Variants in PAH observed in about 807,000 individuals in gnomAD.
The protein encoded by PAH is phenylalanine hydroxylase.
PAH carries 64 observed loss-of-function variants against 62.0 expected under a neutral mutation model. That is an observed-to-expected ratio of 1.03 (90% confidence interval 0.84 to 1.27). The LOEUF is 1.27. Among genes scored for constraint, PAH ranks in the 50% most tolerant of loss-of-function variants. The probability of loss-of-function intolerance (pLI) is 0.00; values close to 1 mark genes in which losing one functional copy is unlikely to be tolerated. For synonymous variants in PAH, 195 were observed against 196.2 expected (o/e 0.99, Z 0.05); for missense variants, 579 against 542.8 (o/e 1.07, Z -0.66).
At chr12:102,900,049 CTTT>C (rs749407597) in intron 2 of PAH, among the ~76,000 whole-genome samples, 1 of 113,206 alleles carries the variant, frequency 8.8e-6, no homozygotes, top group Admixed American at 9.4e-5. Context: ...ACATTTATTG[CTTT>C]TTTTTTTTTT....
intron 3 of PAH, among the ~76,000 whole-genome samples, chr12:102,887,041 A>T (rs1877070355): frequency 6.6e-6 from 1 of 152,186 alleles, no homozygotes; most frequent in Non-Finnish European, 1.5e-5. Context: ...CATAATTCAT[A>T]ACATGCTAAG....
intron 12 of PAH, among the ~76,000 whole-genome samples, chr12:102,839,570 A>G (rs558616492): frequency 1.3e-3 from 204 of 152,204 alleles, no homozygotes; most frequent in Non-Finnish European, 2.5e-3. Context: ...TTCACACAAA[A>G]CTCTAGTGTC....
intron 1 of PAH, chr12:102,950,347 G>A (rs1230297081): frequency 6.6e-6 from 1 of 152,380 alleles, no homozygotes; most frequent in African/African-American, 2.4e-5. Context: ...AGTTTCCCTG[G>A]CAGATGCCGC....
In PAH at chr12:102,864,551, G is replaced by A. The variant is rs569337141; in HGVS notation, c.509+2045C>T. On this transcript the variant is annotated intron_variant, in intron 5 of 12. Coordinates refer to ENST00000553106, the MANE Select transcript of PAH (RefSeq NM_000277.3). ...ATTTTTAAAAAGCAAAATCACAAAC[G>A]AAAGCACAAAAATGTTAAAAATGTG... Among the ~76,000 whole-genome samples the A allele has an allele frequency of 9.9e-5, 15 of 152,178 alleles. No homozygotes were observed. In the South Asian group the frequency reaches 2.3e-3, roughly 23 times the overall value.
Position 102,837,386 on chromosome 12 carries a change from A to T in PAH, c.*1789T>A. The T allele has an allele frequency of 6.6e-6, 1 of 152,256 alleles. No homozygotes were observed. The highest frequency in any genetic ancestry group is 1.9e-4 in the East Asian group (1 of 5,204). 9.4% of individuals were successfully genotyped at this position (152,256 alleles called of 1,614,324 possible). ...TAATATTTAAGTTCCAGAGTCAATAATTAACTTTTCATGTGAAATGAAGAA... is the reference window on the plus strand; with the variant it reads ...TAATATTTAAGTTCCAGAGTCAATATTTAACTTTTCATGTGAAATGAAGAA... On this transcript the variant is annotated 3_prime_UTR_variant, in exon 13 of 13. Transcript: ENST00000553106.
chr12:102,912,436 C>CAGTTTA, intron 2 of PAH, among the ~76,000 whole-genome samples: 1 of 152,038 alleles, frequency 6.6e-6, no homozygotes, highest in Non-Finnish European at 1.5e-5. Flanking sequence ...TCACATGTGA[C>CAGTTTA]ACATGTGATT....
At chr12:102,854,738 C>A (rs1283358766) in intron 6 of PAH, 3 of 302,858 alleles carry the variant, frequency 9.9e-6, no homozygotes, top group African/African-American at 2.2e-5. Context: ...GCTCTTGGCA[C>A]CATCCCCGAA....
chr12:102,862,875 T>C (rs184428987), intron 5 of PAH, among the ~76,000 whole-genome samples: 8 of 151,968 alleles, frequency 5.3e-5, no homozygotes, highest in Admixed American at 5.2e-4. Flanking sequence ...GGCAAAAAGA[T>C]AGCATTTTGC....
chr12:102,872,787 A>G (rs985176416), intron 4 of PAH, among the ~76,000 whole-genome samples: 2 of 152,044 alleles, frequency 1.3e-5, no homozygotes, highest in African/African-American at 4.8e-5. Flanking sequence ...GGCCAACATG[A>G]CGAAACCCCA....
intron 3 of PAH, among the ~76,000 whole-genome samples, chr12:102,891,203 A>G (rs1290914444): frequency 2.0e-5 from 3 of 152,172 alleles, no homozygotes; most frequent in African/African-American, 7.2e-5. Flanking sequence ...CTGTCCCTCT[A>G]TTCTACTTAC....
At chr12:102,865,717 C>T (rs945269021) in intron 5 of PAH, among the ~76,000 whole-genome samples, 10 of 152,158 alleles carry the variant, frequency 6.6e-5, no homozygotes, top group African/African-American at 2.4e-4. Context: ...AATTCTTCCA[C>T]TACCAAAAGT....
chr12:102,936,306 G>T (rs941590044), intron 1 of PAH, among the ~76,000 whole-genome samples: 19 of 151,996 alleles, frequency 1.3e-4, no homozygotes, highest in African/African-American at 4.4e-4. Flanking sequence ...CTAAAATATG[G>T]TCTATTCTTG....
At chr12:102,912,690 G>C (rs1878246082) in intron 2 of PAH, 101 bp downstream of exon 2, 6 of 857,380 alleles carry the variant, frequency 7.0e-6, no homozygotes, top group Admixed American at 1.8e-5. Context: ...ATTCAAATCT[G>C]CCTGTTCCAG....
intron 2 of PAH, among the ~76,000 whole-genome samples, chr12:102,895,258 C>T (rs1188018499): frequency 6.6e-6 from 1 of 152,014 alleles, no homozygotes; most frequent in Non-Finnish European, 1.5e-5. Context: ...AGGAAACACC[C>T]CCACTTTCCA....
intron 1 of PAH, among the ~76,000 whole-genome samples, chr12:102,925,737 C>T (rs780219586): frequency 5.9e-5 from 9 of 152,118 alleles, no homozygotes; most frequent in East Asian, 1.9e-4. Context: ...AGCCAAAGCC[C>T]ACATAAACCC....
At chr12:102,892,260 G>A (rs1488660163) in intron 3 of PAH, among the ~76,000 whole-genome samples, 2 of 152,168 alleles carry the variant, frequency 1.3e-5, no homozygotes, top group African/African-American at 2.4e-5. Context: ...GTTTTACGGG[G>A]TGGATCTTGT....
chr12:102,838,847 A>G lies in PAH; in HGVS notation c.*328T>C. 2 of 383,620 alleles carry G rather than the reference A, an allele frequency of 5.2e-6. No individual in the cohort carries two copies. Among genetic ancestry groups the G allele is most frequent in the South Asian group, 5.6e-5 (2 of 35,562 alleles). The allele number at this position is 383,620 out of a possible 1,614,324, so 23.8% of individuals were successfully genotyped here. A position where few individuals can be genotyped will look rare whatever the true frequency, so the allele number is the denominator to read the frequency against. ...CTCCTTTATGAGTTCTCTGCAAAGC[A>G]TATATGAAGCTTGAATGAAGCAGGT... is the stretch of plus-strand genomic sequence containing the variant. On this transcript the variant is annotated 3_prime_UTR_variant, in exon 13 of 13. Transcript: ENST00000553106.
chr12:102,916,316 T>C (rs1453654254), intron 1 of PAH, among the ~76,000 whole-genome samples: 1 of 152,196 alleles, frequency 6.6e-6, no homozygotes, highest in African/African-American at 2.4e-5. Flanking sequence ...ATTATTTCCC[T>C]GGCCTGGGCT....
chr12:102,929,829 G>C (rs1287603524), intron 1 of PAH, among the ~76,000 whole-genome samples: 1 of 152,128 alleles, frequency 6.6e-6, no homozygotes, highest in Non-Finnish European at 1.5e-5. Flanking sequence ...TGAGAAACAG[G>C]TCAAAGATGA....
Sources: allele counts gnomAD v4.1 joint callset (sites outside exome capture counted in the v4.1 genomes callset), GRCh38; gene constraint gnomAD v4.1.1; transcripts MANE v1.5; gene names NCBI Gene and HGNC (gene_info 2026-07-23, HGNC 2026-07-21).